C2orf78: variants seen among roughly 807,000 people sequenced by gnomAD.
The protein encoded by C2orf78 is uncharacterized protein C2orf78.
C2orf78 carries 12 observed loss-of-function variants against 21.4 expected under a neutral mutation model. The observed-to-expected ratio is 0.56, with a 90% CI of 0.36 to 0.91. The LOEUF (loss-of-function observed/expected upper bound fraction) is 0.91. Among genes scored for constraint, C2orf78 ranks in the 40% least tolerant of loss-of-function variants. The pLI is 0.01. For synonymous variants in C2orf78, 396 were observed against 413.9 expected, an observed-to-expected ratio of 0.96 and a Z score of 0.52; for missense variants, 1,042 against 1,092.4, an observed-to-expected ratio of 0.95 and a Z score of 0.65.
chr2:73,810,060 A>C (rs115954447), intron 1 of C2orf78, among the ~76,000 whole-genome samples: 2 of 152,152 alleles, frequency 1.3e-5, no homozygotes, highest in South Asian at 4.1e-4. Context: ...TTCAAAATAG[A>C]GCAAAATGAA....
intron 1 of C2orf78, 38 bp downstream of exon 1, chr2:73,784,444 T>C: frequency 1.6e-6 from 1 of 640,814 alleles, no homozygotes. Flanking sequence ...TTTCATGAGA[T>C]TTCTTTGCCA....
At position 73,816,985 on chromosome 2, in the gene C2orf78, C is replaced by G. The variant is rs751614565; in HGVS notation, c.2762C>G (p.Thr921Arg). Residue 921 changes from threonine (T) to arginine (R), a missense_variant, in exon 3 of 3, where the codon ACA (threonine) becomes AGA (arginine). By Grantham distance (71) the Thr-to-Arg change is moderately conservative. Transcript: ENST00000409561. Reference sequence around the variant, plus strand: ...GAAATTGCTGAATACTATGGCTACACAATCTAAGAGCTGAGATTGTTGGTT... The same window carrying G: ...GAAATTGCTGAATACTATGGCTACAGAATCTAAGAGCTGAGATTGTTGGTT... 2.5e-6 allele frequency: 4 copies of G among 1,607,504 alleles called. No individual in the cohort carries two copies. The South Asian group carries it at 4.5e-5, about 18-fold the overall frequency.
At chr2:73,816,626 G>C (rs1386769940) in exon 3 of C2orf78, 5 of 1,613,388 alleles carry the variant, frequency 3.1e-6, no homozygotes, top group Non-Finnish European at 4.2e-6. Context: ...ACCCTACCCA[G>C]CCTACTGTCC....
chr2:73,815,293 ATG>A lies in C2orf78; in HGVS notation c.1071_1072del (p.Asn357LysfsTer3). On this transcript the variant is annotated frameshift_variant, in exon 3 of 3. Coordinates refer to ENST00000409561, the Ensembl canonical transcript of C2orf78. LOFTEE classifies it low-confidence loss of function (END_TRUNC). ...TCTCCAGCTCCAAGCCAGGAAAAAAATGAGAATGAGAATTTGGATGAGATTAA... is the reference window on the plus strand; with the variant it reads ...TCTCCAGCTCCAAGCCAGGAAAAAAAAGAATGAGAATTTGGATGAGATTAA... The A allele has an allele frequency of 6.2e-7, 1 of 1,613,952 alleles. No homozygotes were observed. The highest frequency in any genetic ancestry group is 8.5e-7 in the Non-Finnish European group (1 of 1,179,870).
In C2orf78 at chr2:73,792,368, C is replaced by A. The variant is rs1672943150; in HGVS notation, c.97+7962C>A. Among the ~76,000 whole-genome samples the A allele has an allele frequency of 4.0e-5, 4 of 100,584 alleles. No homozygotes were observed. In the South Asian group the frequency reaches 1.2e-3, roughly 29 times the overall value. 66.0% of individuals were successfully genotyped at this position (100,584 alleles called of 152,430 possible). ...GGGCATGGTGGCGAGTACCTGTAAT[C>A]CCAGCTACTCGGGAGGCTGAGGCAC... is the stretch of plus-strand genomic sequence containing the variant. On this transcript the variant is annotated intron_variant, in intron 1 of 2. Transcript: ENST00000409561.
At chr2:73,807,037 C>T (rs1243027674) in intron 1 of C2orf78, among the ~76,000 whole-genome samples, 1 of 144,104 alleles carries the variant, frequency 6.9e-6, no homozygotes, top group Non-Finnish European at 1.5e-5. Context: ...AAAAATTAGC[C>T]GGGCATGGTG....
Position 73,814,678 on chromosome 2 carries a change from T to G in C2orf78, c.848-393T>G, listed in dbSNP as rs570858558. Among the ~76,000 whole-genome samples the G allele has an allele frequency of 2.0e-5, 3 of 152,330 alleles. 1 individual carries two copies. In the South Asian group the frequency reaches 6.2e-4, roughly 32 times the overall value. On this transcript the variant is annotated intron_variant, in intron 2 of 2. Transcript: ENST00000409561. The stretch of plus-strand genomic sequence containing the variant: ...AACAGGCTCAGAATCTGTGCTTGCT[T>G]ATATATTTCATGAGGAAGGGCTCCA...
exon 2 of C2orf78, chr2:73,813,693 C>T: frequency 1.2e-6 from 2 of 1,614,044 alleles, no homozygotes; most frequent in African/African-American, 1.3e-5. Context: ...TCTAGCACAA[C>T]TATGTTGTCT....
chr2:73,815,850 T>G (rs761056630), exon 3 of C2orf78: 2 of 1,613,730 alleles, frequency 1.2e-6, no homozygotes, highest in South Asian at 1.1e-5. Context: ...TAACAGCGCT[T>G]CTGTGAACAA....
chr2:73,810,090 T>G (rs1461115440), intron 1 of C2orf78, among the ~76,000 whole-genome samples: 1 of 152,148 alleles, frequency 6.6e-6, no homozygotes, highest in African/African-American at 2.4e-5. Flanking sequence ...AGCAAATGCT[T>G]AGATCAAAGG....
At chr2:73,785,983 T>C (rs962204744) in intron 1 of C2orf78, among the ~76,000 whole-genome samples, 1 of 151,538 alleles carries the variant, frequency 6.6e-6, no homozygotes, top group Non-Finnish European at 1.5e-5. Context: ...GAGGCAAAGG[T>C]TGTGGTGAGC....
intron 1 of C2orf78, among the ~76,000 whole-genome samples, chr2:73,808,332 A>T (rs1281061659): frequency 2.6e-5 from 4 of 151,158 alleles, no homozygotes; most frequent in East Asian, 1.9e-4. Context: ...AACAACTGTA[A>T]TTGCTCAACT....
chr2:73,813,913 T>G lies in C2orf78; in HGVS notation c.534T>G (p.Tyr178Ter), dbSNP rs1208787838. ...ATACCAATACTATGGTCCCTCTGTATCCATCACTATCTGCCAGCCTTGTTC... is the reference window on the plus strand; with the variant it reads ...ATACCAATACTATGGTCCCTCTGTAGCCATCACTATCTGCCAGCCTTGTTC... The change falls in exon 2 of 3, where the codon TAT becomes TAG. Residue 178 changes from tyrosine (Y) to a stop codon, truncating the protein, a stop_gained. Transcript: ENST00000409561. LOFTEE classifies it high-confidence loss of function. The G allele has an allele frequency of 6.2e-7, 1 of 1,614,044 alleles. No individual in the cohort carries two copies.
exon 2 of C2orf78, chr2:73,813,748 T>C (rs774480905): frequency 1.2e-6 from 2 of 1,614,046 alleles, no homozygotes; most frequent in Non-Finnish European, 1.7e-6. Flanking sequence ...CTGCCTCTTA[T>C]CCAGGCGTTT....
At chr2:73,798,182 G>T (rs1439414691) in intron 1 of C2orf78, among the ~76,000 whole-genome samples, 1 of 133,768 alleles carries the variant, frequency 7.5e-6, no homozygotes, top group African/African-American at 3.1e-5. Context: ...GGGGCCAGGC[G>T]CGGTGGCTCC....
rs1381091989 is a variant in C2orf78 at position 73,807,931 on chromosome 2, G to C, written c.98-5546G>C. 2.7e-5 allele frequency among the ~76,000 whole-genome samples: 4 copies of C among 150,918 alleles called. 2 individuals carry two copies. Among genetic ancestry groups the C allele is most frequent in the African/African-American group, 9.9e-5 (4 of 40,424 alleles). On this transcript the variant is annotated intron_variant, in intron 1 of 2. Transcript: ENST00000409561. Reference sequence around the variant, plus strand: ...ACTTTGCTGTTCAAGTTACAAAAGAGGGTTCTTTAATCTCTTCCTTTGGCC... The same window carrying C: ...ACTTTGCTGTTCAAGTTACAAAAGACGGTTCTTTAATCTCTTCCTTTGGCC...
exon 3 of C2orf78, chr2:73,815,274 G>A: frequency 6.2e-7 from 1 of 1,613,866 alleles, no homozygotes; most frequent in Non-Finnish European, 8.5e-7. Context: ...ACTGTCTCCA[G>A]CTCCAAGCCA....
intron 1 of C2orf78, among the ~76,000 whole-genome samples, 174 bp downstream of exon 1, chr2:73,784,580 G>C (rs1329992826): frequency 6.6e-6 from 1 of 151,318 alleles, no homozygotes; most frequent in African/African-American, 2.5e-5. Flanking sequence ...TGTGACTTTA[G>C]ATAACTTTTA....
At chr2:73,810,344 A>G (rs1474689095) in intron 1 of C2orf78, among the ~76,000 whole-genome samples, 5 of 151,826 alleles carry the variant, frequency 3.3e-5, no homozygotes, top group African/African-American at 7.3e-5. Flanking sequence ...CCTGACCAAC[A>G]TGGAGAAACC....
Sources: allele counts gnomAD v4.1 joint callset (sites outside exome capture counted in the v4.1 genomes callset), GRCh38; gene constraint gnomAD v4.1.1; transcripts MANE v1.5; gene names NCBI Gene and HGNC (gene_info 2026-07-23, HGNC 2026-07-21).